PHACTR3: variants seen among roughly 807,000 people sequenced by gnomAD.
The protein encoded by PHACTR3 is phosphatase and actin regulator 3.
Under a neutral mutation model 66.8 loss-of-function variants are expected in PHACTR3, and 16 were observed. That is an observed-to-expected ratio of 0.24 (90% CI 0.16 to 0.36). The LOEUF is 0.36. Among genes scored for constraint, PHACTR3 ranks in the 10% least tolerant of loss-of-function variants. The pLI, the probability that PHACTR3 is intolerant of heterozygous loss-of-function variation, is 1.00. For synonymous variants in PHACTR3, 323 were observed against 292.1 expected (o/e 1.11, Z -1.08); for missense variants, 647 against 719.9 (o/e 0.90, Z 1.16).
At chr20:59,810,865 C>T (rs6027133) in intron 8 of PHACTR3, among the ~76,000 whole-genome samples, 28,877 of 152,098 alleles carry the variant, frequency 0.19, 5,462 homozygotes, top group African/African-American at 0.47. Flanking sequence ...ATGAGAGGCC[C>T]GCAGCTCCTG....
intron 1 of PHACTR3, among the ~76,000 whole-genome samples, chr20:59,708,530 G>T (rs1489672033): frequency 6.6e-6 from 1 of 152,142 alleles, no homozygotes; most frequent in Non-Finnish European, 1.5e-5. Context: ...CTACAGGTGG[G>T]GATGTGTAAT....
At chr20:59,698,751 A>T (rs1433075302) in intron 1 of PHACTR3, among the ~76,000 whole-genome samples, 6 of 152,198 alleles carry the variant, frequency 3.9e-5, no homozygotes, top group African/African-American at 7.2e-5. Flanking sequence ...TGCAGCAAAC[A>T]TTTATTAATT....
chr20:59,840,299 T>TG (rs1199356058), intron 9 of PHACTR3, 70 bp from the exon 10 acceptor site: 40 of 1,565,254 alleles, frequency 2.6e-5, no homozygotes, highest in Non-Finnish European at 3.0e-5. Flanking sequence ...AACACTTCCC[T>TG]GCTGAAGAGA....
At chr20:59,808,319 G>A (rs562807885) in intron 8 of PHACTR3, among the ~76,000 whole-genome samples, 3 of 152,372 alleles carry the variant, frequency 2.0e-5, no homozygotes, top group African/African-American at 7.2e-5. Context: ...GGAAAGTCAT[G>A]CCATTCTGGC....
At chr20:59,611,191 T>C (rs1207033834) in intron 1 of PHACTR3, among the ~76,000 whole-genome samples, 1 of 152,254 alleles carries the variant, frequency 6.6e-6, no homozygotes, top group Non-Finnish European at 1.5e-5. Context: ...GTAGGCATTA[T>C]TGTCCTTAAG....
chr20:59,612,684 G>C (rs535032902), intron 1 of PHACTR3, among the ~76,000 whole-genome samples: 180 of 152,286 alleles, frequency 1.2e-3, no homozygotes, highest in Middle Eastern at 3.4e-3. Context: ...GCGCCTGGCT[G>C]ACCATCCTGT....
At chr20:59,813,967 G>A (rs757750204) in intron 8 of PHACTR3, among the ~76,000 whole-genome samples, 66 of 152,344 alleles carry the variant, frequency 4.3e-4, no homozygotes, top group South Asian at 6.2e-4. Flanking sequence ...TGAAAGTGCC[G>A]TTTACTCATC....
At chr20:59,836,582 T>C (rs1171500780) in intron 9 of PHACTR3, 22 bp downstream of exon 9, 1 of 1,606,728 alleles carries the variant, frequency 6.2e-7, no homozygotes, top group African/African-American at 1.3e-5. Flanking sequence ...GTGATTCCTC[T>C]AGAGGTTTTC....
chr20:59,703,621 G>A (rs1436548374), intron 1 of PHACTR3, among the ~76,000 whole-genome samples: 1 of 152,118 alleles, frequency 6.6e-6, no homozygotes, highest in Non-Finnish European at 1.5e-5. Flanking sequence ...TCAGATCAGT[G>A]AAAGAAATAA....
chr20:59,750,542 G>A (rs2039541014), intron 3 of PHACTR3, among the ~76,000 whole-genome samples: 1 of 152,178 alleles, frequency 6.6e-6, no homozygotes, highest in Admixed American at 6.5e-5. Context: ...TGGGTTGGAG[G>A]AAAGGAGGAA....
chr20:59,612,454 TGGTTCAAGCAATTCTTGCCTGCTG>T (rs1204935458), intron 1 of PHACTR3, among the ~76,000 whole-genome samples: 1 of 151,988 alleles, frequency 6.6e-6, no homozygotes, highest in East Asian at 1.9e-4. Context: ...TCTGCCTGCC[TGGTTCAAGCAATTCTTGCCTGCTG>T]GGTTCAAGCA....
At chr20:59,843,670 T>C (rs1157959843) in intron 11 of PHACTR3, 2 of 152,040 alleles carry the variant, frequency 1.3e-5, no homozygotes, top group East Asian at 1.9e-4. Context: ...TCTTACTATA[T>C]ACAAAAATCA....
chr20:59,778,658 G>A lies in PHACTR3; in HGVS notation c.1174+4168G>A, dbSNP rs540118070. Among the ~76,000 whole-genome samples the A allele has an allele frequency of 1.4e-4, 22 of 152,318 alleles. No homozygotes were observed. The East Asian group carries it at 3.5e-3, about 24-fold the overall frequency. On this transcript the variant is annotated intron_variant, in intron 7 of 12. Transcript: ENST00000371015. ...TTCGCCTCTGTAGTTCTTACTGTGC[G>A]CACAGCTCACGAGTGCTAAGTGCAA...
intron 1 of PHACTR3, among the ~76,000 whole-genome samples, chr20:59,634,449 G>A (rs78126465): frequency 0.027 from 4,100 of 152,316 alleles, 75 homozygotes; most frequent in Middle Eastern, 0.071. Context: ...CAGGTTAGGA[G>A]TGTTGGCCGT....
chr20:59,582,034 T>C (rs2032876838), intron 1 of PHACTR3, among the ~76,000 whole-genome samples: 1 of 152,220 alleles, frequency 6.6e-6, no homozygotes, highest in African/African-American at 2.4e-5. Context: ...ATTACACTAG[T>C]ATGTCATGAA....
intron 7 of PHACTR3, among the ~76,000 whole-genome samples, chr20:59,792,533 T>A (rs147002490): frequency 1.3e-5 from 2 of 152,220 alleles, no homozygotes; most frequent in African/African-American, 4.8e-5. Flanking sequence ...GCAGATCCAG[T>A]TGGCCAAGGG....
At chr20:59,692,644 AAT>A (rs1328185763) in intron 1 of PHACTR3, among the ~76,000 whole-genome samples, 1 of 152,230 alleles carries the variant, frequency 6.6e-6, no homozygotes, top group African/African-American at 2.4e-5. Context: ...TAAAAAGGTG[AAT>A]GCGGAGCCAG....
intron 1 of PHACTR3, among the ~76,000 whole-genome samples, chr20:59,640,898 G>A (rs2035077133): frequency 1.3e-5 from 2 of 152,044 alleles, no homozygotes; most frequent in African/African-American, 4.8e-5. Flanking sequence ...CAAAAATGAA[G>A]CAGTAGAGTA....
At chr20:59,678,918 T>G (rs897440543) in intron 1 of PHACTR3, among the ~76,000 whole-genome samples, 1 of 150,826 alleles carries the variant, frequency 6.6e-6, no homozygotes, top group Non-Finnish European at 1.5e-5. Context: ...ACAAAGGCAA[T>G]TGCAGCCCCA....
Sources: allele counts gnomAD v4.1 joint callset (sites outside exome capture counted in the v4.1 genomes callset), GRCh38; gene constraint gnomAD v4.1.1; transcripts MANE v1.5; gene names NCBI Gene and HGNC (gene_info 2026-07-23, HGNC 2026-07-21).